The following CNTLN variants were observed in gnomAD, a reference collection of about 807,000 sequenced individuals.
CNTLN encodes the protein centlein.
In CNTLN, 212 loss-of-function variants were observed where a neutral mutation model predicts 180.0. The observed-to-expected ratio is 1.18, with a 90% CI of 1.05 to 1.32. The LOEUF is 1.32. Ranked by LOEUF, CNTLN falls within the 40% of genes most tolerant of loss-of-function variation. CNTLN has a pLI of 0.00. For missense variants in CNTLN, 2,095 were observed against 1,610.9 expected, an observed-to-expected ratio of 1.30 and a Z score of -5.14; for synonymous variants, 722 against 563.1, an observed-to-expected ratio of 1.28 and a Z score of -3.99.
At chr9:17,372,878 A>G (rs948530487) in intron 13 of CNTLN, among the ~76,000 whole-genome samples, 2 of 152,312 alleles carry the variant, frequency 1.3e-5, no homozygotes, top group Non-Finnish European at 2.9e-5. Flanking sequence ...GACAAAAACC[A>G]TAGGATCATT....
the CNTLN span, among the ~76,000 whole-genome samples, chr9:17,517,593 G>A: frequency 8.6e-5 from 13 of 151,972 alleles, no homozygotes; most frequent in East Asian, 1.9e-4. Flanking sequence ...ATGTGCAGAC[G>A]GAGGTATAGT....
At chr9:17,254,633 G>A (rs1826360542) in intron 5 of CNTLN, among the ~76,000 whole-genome samples, 1 of 151,304 alleles carries the variant, frequency 6.6e-6, no homozygotes, top group Non-Finnish European at 1.5e-5. Context: ...TTATTTCTAG[G>A]CTATTTTTCA....
chr9:17,247,395 T>C (rs1825856268), intron 5 of CNTLN, among the ~76,000 whole-genome samples: 1 of 152,184 alleles, frequency 6.6e-6, no homozygotes, highest in Admixed American at 6.5e-5. Context: ...TATTGCTTTC[T>C]ACTATGACAG....
chr9:17,437,943 A>G (rs1386297922), intron 18 of CNTLN, among the ~76,000 whole-genome samples: 1 of 152,142 alleles, frequency 6.6e-6, no homozygotes, highest in African/African-American at 2.4e-5. Context: ...AAGGTTTTGT[A>G]TGATTTTGGA....
At chr9:17,248,820 A>C (rs1825956420) in intron 5 of CNTLN, among the ~76,000 whole-genome samples, 1 of 151,696 alleles carries the variant, frequency 6.6e-6, no homozygotes, top group Non-Finnish European at 1.5e-5. Context: ...AAAGTCTTCA[A>C]ACAAAAGCCC....
intron 8 of CNTLN, among the ~76,000 whole-genome samples, chr9:17,324,430 CT>C (rs771260832): frequency 4.1e-4 from 63 of 152,092 alleles, no homozygotes; most frequent in Non-Finnish European, 8.1e-4. Context: ...TTCATTCTAG[CT>C]TTTAAGCACT....
At chr9:17,437,122 A>G (rs1829824919) in intron 18 of CNTLN, among the ~76,000 whole-genome samples, 1 of 152,188 alleles carries the variant, frequency 6.6e-6, no homozygotes, top group African/African-American at 2.4e-5. Flanking sequence ...TCATGTTCGC[A>G]AGGCAAACTG....
At chr9:17,200,059 T>C (rs1293316996) in intron 2 of CNTLN, among the ~76,000 whole-genome samples, 1 of 152,208 alleles carries the variant, frequency 6.6e-6, no homozygotes, top group Non-Finnish European at 1.5e-5. Context: ...TGCATGTGGC[T>C]AGCCAGTTTT....
rs192460789 is a variant in CNTLN at position 17,173,584 on chromosome 9, C to A, written c.449+30208C>A. 1.6e-4 allele frequency among the ~76,000 whole-genome samples: 24 copies of A among 152,158 alleles called. No homozygotes were observed. In the East Asian group the frequency reaches 4.1e-3, roughly 26 times the overall value. On this transcript the variant is annotated intron_variant, in intron 2 of 25. Coordinates refer to ENST00000380647, the MANE Select transcript of CNTLN (RefSeq NM_017738.4). ...ATTAAAAGTTTTCAACATTCTTATTCCTGATTTTTTTTTCTTAAATTGGAA... is the reference window on the plus strand; with the variant it reads ...ATTAAAAGTTTTCAACATTCTTATTACTGATTTTTTTTTCTTAAATTGGAA...
At chr9:17,356,077 A>AAAAAAAAAAAG (rs1564023843) in intron 12 of CNTLN, among the ~76,000 whole-genome samples, 1 of 64,178 alleles carries the variant, frequency 1.6e-5, no homozygotes, top group Admixed American at 1.6e-4. Flanking sequence ...AAAAAAAAAA[A>AAAAAAAAAAAG]AAAAGAAAAA....
In CNTLN at chr9:17,251,476, T is replaced by C. The variant is rs143313150; in HGVS notation, c.849+14888T>C. Among the ~76,000 whole-genome samples, 784 of 152,042 alleles carry C rather than the reference T, an allele frequency of 5.2e-3. 5 individuals carry two copies. Among genetic ancestry groups the C allele is most frequent in the African/African-American group, 0.018 (753 of 41,556 alleles). On this transcript the variant is annotated intron_variant, in intron 5 of 25. Coordinates refer to ENST00000380647, the MANE Select transcript of CNTLN (RefSeq NM_017738.4). ...TTAGACTCAATGATTTTAATTGTTC[T>C]ATCTTGTAGTTATCTAATTACTTTT... is the stretch of plus-strand genomic sequence containing the variant.
chr9:17,418,266 T>C (rs1828419616), intron 18 of CNTLN, among the ~76,000 whole-genome samples: 1 of 151,998 alleles, frequency 6.6e-6, no homozygotes, highest in African/African-American at 2.4e-5. Context: ...TAACTAGTGA[T>C]TAACTAGAAT....
At chr9:17,518,264 G>T in the CNTLN span, among the ~76,000 whole-genome samples, 1 of 151,738 alleles carries the variant, frequency 6.6e-6, no homozygotes, top group African/African-American at 2.4e-5. Flanking sequence ...TGCCAGGCTG[G>T]TCTTGAACTC....
intron 2 of CNTLN, among the ~76,000 whole-genome samples, chr9:17,145,925 A>C (rs1320837639): frequency 6.6e-6 from 1 of 152,148 alleles, no homozygotes; most frequent in Admixed American, 6.5e-5. Flanking sequence ...GCTGAACATA[A>C]TATTTTATGT....
intron 20 of CNTLN, 51 bp from the exon 21 acceptor site, chr9:17,464,446 A>C: frequency 6.8e-7 from 1 of 1,466,654 alleles, no homozygotes; most frequent in East Asian, 2.5e-5. Context: ...AGATATCACC[A>C]CTGTTAAGGT....
intron 7 of CNTLN, among the ~76,000 whole-genome samples, chr9:17,304,312 T>G (rs911580880): frequency 2.0e-5 from 3 of 152,164 alleles, no homozygotes; most frequent in Non-Finnish European, 4.4e-5. Flanking sequence ...TAATGTGTTC[T>G]CTTCCTCTGA....
At chr9:17,332,052 T>C (rs1820681264) in intron 9 of CNTLN, among the ~76,000 whole-genome samples, 1 of 152,080 alleles carries the variant, frequency 6.6e-6, no homozygotes, top group Non-Finnish European at 1.5e-5. Context: ...GATTGGTATA[T>C]GAAGCTGTAC....
chr9:17,320,261 ACT>A (rs1487842558), intron 8 of CNTLN, among the ~76,000 whole-genome samples: 2 of 151,718 alleles, frequency 1.3e-5, no homozygotes, highest in African/African-American at 4.8e-5. Flanking sequence ...TTATGTTCTT[ACT>A]CTCTTTTTAT....
intron 5 of CNTLN, among the ~76,000 whole-genome samples, chr9:17,258,935 C>G (rs914334840): frequency 1.3e-5 from 2 of 149,874 alleles, no homozygotes; most frequent in Admixed American, 6.6e-5. Context: ...GACAATTTGA[C>G]TTCCTCTTTT....
Sources: gnomAD v4.1 joint callset for allele counts (sites outside exome capture counted in the v4.1 genomes callset) on GRCh38, gnomAD v4.1.1 for gene constraint, MANE v1.5 for transcripts, NCBI Gene and HGNC (gene_info 2026-07-23, HGNC 2026-07-21) for gene names.